KAT6B: variants seen among roughly 807,000 people sequenced by gnomAD.
KAT6B encodes lysine acetyltransferase 6B, also known as histone acetyltransferase KAT6B.
Under a neutral mutation model 187.5 loss-of-function variants are expected in KAT6B, and 10 were observed. The ratio of observed to expected loss-of-function variants is 0.05; its 90% CI spans 0.03 to 0.09. The LOEUF (loss-of-function observed/expected upper bound fraction) is 0.09, where lower values mean the gene tolerates loss of function less well. Ranked by LOEUF, KAT6B falls within the 10% of genes least tolerant of loss-of-function variation. The pLI is 1.00. For synonymous variants in KAT6B, 861 were observed against 926.8 expected (o/e 0.93, Z 1.29); for missense variants, 1,952 against 2,558.9 (o/e 0.76, Z 5.12).
intron 13 of KAT6B, among the ~76,000 whole-genome samples, chr10:75,015,126 G>A (rs778793403): frequency 1.3e-5 from 2 of 152,192 alleles, no homozygotes; most frequent in African/African-American, 2.4e-5. Flanking sequence ...AAGTTCTCAG[G>A]TGATGTTGAT....
At chr10:75,004,124 G>A (rs1844045244) in intron 13 of KAT6B, among the ~76,000 whole-genome samples, 1 of 151,786 alleles carries the variant, frequency 6.6e-6, no homozygotes, top group South Asian at 2.1e-4. Context: ...TTTGCATTGA[G>A]TTATTTTGAA....
At chr10:74,980,048 A>G (rs1842410689) in intron 10 of KAT6B, among the ~76,000 whole-genome samples, 1 of 152,182 alleles carries the variant, frequency 6.6e-6, no homozygotes. Context: ...AATCCCAGCT[A>G]CTCGGGAGGC....
At chr10:74,902,249 C>G (rs972976843) in intron 3 of KAT6B, among the ~76,000 whole-genome samples, 1 of 152,164 alleles carries the variant, frequency 6.6e-6, no homozygotes, top group Non-Finnish European at 1.5e-5. Context: ...CTAAGTCTTG[C>G]TGTCAACAAG....
rs538633251 is a variant in KAT6B, at chr10:75,014,235, G to A, written c.2630-6347G>A. ...CACGCCTGTAATCCCAGCACTTTGGGAGGCTGAGGTGGGAGGATCGCTTGA... is the reference window on the plus strand; with the variant it reads ...CACGCCTGTAATCCCAGCACTTTGGAAGGCTGAGGTGGGAGGATCGCTTGA... On this transcript the variant is annotated intron_variant, in intron 13 of 17. Transcript: ENST00000287239. Among the ~76,000 whole-genome samples the A allele has an allele frequency of 5.3e-5, 8 of 152,274 alleles. No homozygotes were observed. The South Asian group carries it at 1.2e-3, about 24-fold the overall frequency.
At chr10:74,900,550 C>T (rs1846307041) in intron 3 of KAT6B, among the ~76,000 whole-genome samples, 1 of 152,276 alleles carries the variant, frequency 6.6e-6, no homozygotes, top group Middle Eastern at 3.4e-3. Flanking sequence ...GTAGGAGCAG[C>T]CTGTTGGAGG....
chr10:74,940,301 A>C (rs1849572414), intron 3 of KAT6B, among the ~76,000 whole-genome samples: 1 of 149,046 alleles, frequency 6.7e-6, no homozygotes, highest in African/African-American at 2.5e-5. Flanking sequence ...TTTGAGACAG[A>C]GTCTCGCTCT....
At chr10:74,951,888 G>A (rs1399137722) in intron 3 of KAT6B, among the ~76,000 whole-genome samples, 4 of 152,202 alleles carry the variant, frequency 2.6e-5, no homozygotes, top group Admixed American at 6.5e-5. Context: ...CAACTTCAGA[G>A]CAGTTTATTC....
chr10:74,854,471 GTTTTTT>G (rs78460334), intron 3 of KAT6B, among the ~76,000 whole-genome samples: 2 of 149,462 alleles, frequency 1.3e-5, no homozygotes, highest in Non-Finnish European at 3.0e-5. Context: ...TGTTTTTTCT[GTTTTTT>G]TTTAATGAAA....
chr10:74,830,292 A>G (rs1589428631), intron 1 of KAT6B, among the ~76,000 whole-genome samples: 1 of 152,128 alleles, frequency 6.6e-6, no homozygotes, highest in African/African-American at 2.4e-5. Flanking sequence ...TTGTTGCCGA[A>G]TATTTGAGTT....
chr10:74,874,714 C>G (rs1844275910), intron 3 of KAT6B, among the ~76,000 whole-genome samples: 1 of 152,064 alleles, frequency 6.6e-6, no homozygotes, highest in Non-Finnish European at 1.5e-5. Context: ...TCCTGTACTT[C>G]CAGTCTTGCC....
At chr10:74,867,348 C>T (rs1010398019) in intron 3 of KAT6B, among the ~76,000 whole-genome samples, 1 of 151,660 alleles carries the variant, frequency 6.6e-6, no homozygotes, top group Non-Finnish European at 1.5e-5. Context: ...CTACATTGTT[C>T]CTGCTGTTAT....
chr10:74,978,713 A>G (rs984149395), intron 9 of KAT6B, among the ~76,000 whole-genome samples: 6 of 152,234 alleles, frequency 3.9e-5, no homozygotes, highest in Admixed American at 3.9e-4. Flanking sequence ...AATAAGGGAA[A>G]TAAGAGGAGA....
Position 75,029,969 on chromosome 10 carries a change from A to G in KAT6B, c.5145A>G (p.Thr1715=), listed in dbSNP as rs1846184273. 6.2e-7 allele frequency: 1 copy of G among 1,614,230 alleles called. No individual in the cohort carries two copies. The highest frequency in any genetic ancestry group is 1.7e-5 in the Admixed American group (1 of 60,028). The change falls in exon 18 of 18, where the codon ACA becomes ACG. Residue 1715 remains threonine, a synonymous_variant. Coordinates refer to ENST00000287239, the MANE Select transcript of KAT6B (RefSeq NM_012330.4). This position sits in a 1 kb window ranked among gnomAD's most constrained non-coding sequence, Gnocchi z 6.2. ...SYSNLTSSSL[T]QSSCAVTQQM... ...GCAACCTCACCTCCAGCAGTCTGAC[A>G]CAGAGCAGCTGTGCTGTCACCCAGC...
At chr10:74,834,181 T>C in intron 1 of KAT6B, among the ~76,000 whole-genome samples, 1 of 152,154 alleles carries the variant, frequency 6.6e-6, no homozygotes, top group Non-Finnish European at 1.5e-5. Flanking sequence ...CTTGGCTTTT[T>C]TCACAGCCAA....
intron 13 of KAT6B, among the ~76,000 whole-genome samples, 163 bp from the exon 14 acceptor site, chr10:75,020,419 G>T (rs968063294): frequency 6.6e-6 from 1 of 152,224 alleles, no homozygotes; most frequent in African/African-American, 2.4e-5. Flanking sequence ...ACTTCACGGA[G>T]ATCAAATCAC....
intron 1 of KAT6B, among the ~76,000 whole-genome samples, chr10:74,830,774 T>A (rs1240754970): frequency 0.019 from 596 of 30,604 alleles, 1 homozygote; most frequent in African/African-American, 0.023. Context: ...ATATATTTTT[T>A]TTTTTTTTTT....
chr10:75,029,795 T>G lies in KAT6B; in HGVS notation c.4971T>G (p.Asp1657Glu). Residue 1657 changes from aspartate to glutamate, a missense_variant, in exon 18 of 18, where the codon GAT becomes GAG. By Grantham distance (45) the Asp-to-Glu change is conservative. This residue lies in a region of KAT6B where 87 missense variants were observed against 167.5 expected (regional missense o/e 0.52). Transcript: ENST00000287239. The surrounding 1 kb of genome is among the most constrained non-coding windows in gnomAD (Gnocchi z 6.2). ...SPMMDVPSVSDHSQQVVDSGF... is the reference protein window; with the variant it reads ...SPMMDVPSVSEHSQQVVDSGF... ...TGATGGATGTCCCATCAGTTTCAGA[T>G]CATTCACAGCAAGTCGTAGACAGTG... is the stretch of plus-strand genomic sequence containing the variant. 6.2e-7 allele frequency: 1 copy of G among 1,614,166 alleles called. No homozygotes were observed. Among genetic ancestry groups the G allele is most frequent in the Admixed American group, 1.7e-5 (1 of 60,022 alleles).
At chr10:74,837,099 T>A (rs1003563338) in intron 1 of KAT6B, among the ~76,000 whole-genome samples, 3 of 152,244 alleles carry the variant, frequency 2.0e-5, no homozygotes, top group African/African-American at 7.2e-5. Context: ...ATAATACTTA[T>A]GATCCAGGAT....
At chr10:74,855,382 A>G (rs913005200) in intron 3 of KAT6B, among the ~76,000 whole-genome samples, 1 of 152,220 alleles carries the variant, frequency 6.6e-6, no homozygotes, top group Non-Finnish European at 1.5e-5. Flanking sequence ...TATGGGTATG[A>G]TGAAGTTTAA....
Sources: gnomAD v4.1 joint callset for allele counts (sites outside exome capture counted in the v4.1 genomes callset) on GRCh38, gnomAD v4.1.1 for gene constraint, gnomAD v4.1.1 regional missense constraint, Gnocchi (gnomAD v3.1) non-coding constraint, MANE v1.5 for transcripts, NCBI Gene and HGNC (gene_info 2026-07-23, HGNC 2026-07-21) for gene names.